The following BABAM2 variants were observed in gnomAD, a reference collection of about 807,000 sequenced individuals.
BABAM2 encodes the protein BRISC and BRCA1-A complex member 2.
In BABAM2, 31 loss-of-function variants were observed where a neutral mutation model predicts 54.7. The observed-to-expected ratio is 0.57, with a 90% CI of 0.43 to 0.77. The LOEUF (loss-of-function observed/expected upper bound fraction) is 0.77, where lower values mean the gene tolerates loss of function less well. BABAM2 is among the 30% of genes least tolerant of loss of function. The pLI is 0.00. For synonymous variants in BABAM2, 167 were observed against 162.9 expected (o/e 1.03, Z -0.19); for missense variants, 364 against 455.8 (o/e 0.80, Z 1.83).
intron 6 of BABAM2, among the ~76,000 whole-genome samples, chr2:28,089,183 A>G (rs1362676156): frequency 6.6e-6 from 1 of 152,188 alleles, no homozygotes; most frequent in African/African-American, 2.4e-5. Context: ...TTTGACATGA[A>G]TATATTGACT....
chr2:28,087,098 GAGATCTTC>G (rs1665711789), intron 6 of BABAM2, among the ~76,000 whole-genome samples: 16 of 152,184 alleles, frequency 1.1e-4, no homozygotes, highest in Admixed American at 9.2e-4. Context: ...TCTTCATTGA[GAGATCTTC>G]AAATGCCAGC....
At chr2:27,909,692 C>T (rs1666439376) in intron 2 of BABAM2, among the ~76,000 whole-genome samples, 1 of 152,210 alleles carries the variant, frequency 6.6e-6, no homozygotes, top group African/African-American at 2.4e-5. Flanking sequence ...GAAATTGAGC[C>T]AGACCTTTGT....
chr2:28,269,166 A>G (rs761365059), intron 10 of BABAM2, among the ~76,000 whole-genome samples: 1 of 151,956 alleles, frequency 6.6e-6, no homozygotes, highest in Non-Finnish European at 1.5e-5. Flanking sequence ...CAAAGAAACC[A>G]CCCCAGTAAT....
At chr2:28,202,055 T>C (rs914424181) in intron 7 of BABAM2, among the ~76,000 whole-genome samples, 1 of 152,112 alleles carries the variant, frequency 6.6e-6, no homozygotes, top group African/African-American at 2.4e-5. Flanking sequence ...TAAAAGCTTT[T>C]AGAACTGGGA....
chr2:28,038,595 C>T (rs545516615), intron 5 of BABAM2, among the ~76,000 whole-genome samples: 2 of 152,220 alleles, frequency 1.3e-5, no homozygotes, highest in African/African-American at 2.4e-5. Context: ...TGTGTGTGCT[C>T]AGTGTTTAGC....
intron 8 of BABAM2, among the ~76,000 whole-genome samples, chr2:28,239,035 A>G (rs1219608977): frequency 2.6e-5 from 4 of 152,208 alleles, no homozygotes; most frequent in South Asian, 4.1e-4. Context: ...ATCTATCTTT[A>G]TAGCCAGTTT....
intron 4 of BABAM2, chr2:28,016,160 A>T: frequency 1.6e-6 from 2 of 1,260,364 alleles, no homozygotes; most frequent in South Asian, 1.3e-5. Flanking sequence ...TCAGAGCTTG[A>T]TGAAGAAGAA....
At chr2:27,965,514 A>G (rs1359194091) in intron 3 of BABAM2, among the ~76,000 whole-genome samples, 2 of 152,114 alleles carry the variant, frequency 1.3e-5, no homozygotes, top group Non-Finnish European at 2.9e-5. Context: ...TGTCATCCAT[A>G]AGTATTCAGT....
chr2:28,137,084 G>A (rs1204620759), intron 7 of BABAM2, among the ~76,000 whole-genome samples: 2 of 151,346 alleles, frequency 1.3e-5, no homozygotes, highest in Middle Eastern at 3.2e-3. Flanking sequence ...TAACTAACAG[G>A]TATAGATTTT....
At chr2:27,997,783 T>A (rs968815782) in intron 4 of BABAM2, among the ~76,000 whole-genome samples, 1 of 152,194 alleles carries the variant, frequency 6.6e-6, no homozygotes, top group African/African-American at 2.4e-5. Flanking sequence ...CAGTTTTGAT[T>A]TACTCTATTG....
intron 2 of BABAM2, 84 bp downstream of exon 2, chr2:27,894,768 A>AGGT: frequency 1.3e-6 from 2 of 1,525,540 alleles, no homozygotes; most frequent in East Asian, 4.5e-5. Flanking sequence ...CAGACTCATA[A>AGGT]AAATTGACTG....
chr2:28,220,592 G>A (rs77607852), intron 7 of BABAM2, among the ~76,000 whole-genome samples: 3,584 of 146,560 alleles, frequency 0.024, 125 homozygotes, highest in African/African-American at 0.084. Flanking sequence ...AGTAATATGT[G>A]TCAGTTATAG....
intron 10 of BABAM2, among the ~76,000 whole-genome samples, chr2:28,274,840 A>G (rs1404465763): frequency 2.0e-5 from 3 of 152,064 alleles, no homozygotes; most frequent in Admixed American, 1.3e-4. Flanking sequence ...GACTCTTCCC[A>G]TTTTGCAAAT....
At chr2:28,006,367 A>G (rs962610853) in intron 4 of BABAM2, among the ~76,000 whole-genome samples, 2 of 152,084 alleles carry the variant, frequency 1.3e-5, no homozygotes, top group African/African-American at 4.8e-5. Context: ...TGAAATAAGG[A>G]CTATGTGCTT....
intron 10 of BABAM2, among the ~76,000 whole-genome samples, chr2:28,264,376 A>AT (rs1173752106): frequency 2.6e-5 from 4 of 152,234 alleles, no homozygotes; most frequent in African/African-American, 4.8e-5. Flanking sequence ...GGCTAAGCTA[A>AT]TATTTCTCAT....
At chr2:27,897,338 A>G (rs912273640) in intron 2 of BABAM2, 3 of 152,250 alleles carry the variant, frequency 2.0e-5, no homozygotes, top group Admixed American at 6.5e-5. Context: ...GTGGTAAGAT[A>G]AAAAACTAAG....
chr2:28,316,201 G>A (rs981573948), intron 11 of BABAM2, among the ~76,000 whole-genome samples: 2 of 152,152 alleles, frequency 1.3e-5, no homozygotes, highest in African/African-American at 4.8e-5. Context: ...TGAGGAGCAG[G>A]TCAGGAATCA....
At chr2:27,910,843 G>C (rs1041970729) in intron 2 of BABAM2, among the ~76,000 whole-genome samples, 31 of 152,142 alleles carry the variant, frequency 2.0e-4, no homozygotes, top group African/African-American at 7.2e-4. Flanking sequence ...CATTTGGGTA[G>C]TTCCTAATTG....
At chr2:28,300,984 G>A (rs925574678) in intron 11 of BABAM2, among the ~76,000 whole-genome samples, 6 of 152,216 alleles carry the variant, frequency 3.9e-5, no homozygotes, top group African/African-American at 1.4e-4. Flanking sequence ...TGCTGTGTCA[G>A]AAAGCCAGAT....
Sources: gnomAD v4.1 joint callset for allele counts (sites outside exome capture counted in the v4.1 genomes callset) on GRCh38, gnomAD v4.1.1 for gene constraint, MANE v1.5 for transcripts, NCBI Gene and HGNC (gene_info 2026-07-23, HGNC 2026-07-21) for gene names.